Variants in TIE1 observed in about 807,000 individuals in gnomAD.
TIE1 encodes the protein tyrosine-protein kinase receptor Tie-1.
A neutral mutation model predicts 130.5 loss-of-function variants in TIE1; 89 were observed. The ratio of observed to expected loss-of-function variants is 0.68; its 90% CI spans 0.57 to 0.81. TIE1 has a LOEUF of 0.81. Among genes scored for constraint, TIE1 ranks in the 40% least tolerant of loss-of-function variants. The probability of loss-of-function intolerance (pLI) is 0.00; values close to 1 mark genes in which losing one functional copy is unlikely to be tolerated. For missense variants in TIE1, 1,392 were observed against 1,559.8 expected (o/e 0.89, Z 1.81); for synonymous variants, 568 against 629.4 (o/e 0.90, Z 1.46).
intron 1 of TIE1, among the ~76,000 whole-genome samples, chr1:43,303,553 A>G (rs532554575): frequency 6.6e-6 from 1 of 152,254 alleles, no homozygotes; most frequent in South Asian, 2.1e-4. Context: ...GCTACAAGAG[A>G]CAGAGAAGGA....
At chr1:43,308,863 G>A in intron 7 of TIE1, 123 bp from the exon 8 acceptor site, 1 of 1,394,254 alleles carries the variant, frequency 7.2e-7, no homozygotes, top group Non-Finnish European at 1.0e-6. Flanking sequence ...GCCTTTGCTG[G>A]TTTTCAGGCT....
chr1:43,313,634 C>A lies in TIE1; in HGVS notation c.2219-144C>A. The A allele has an allele frequency of 9.3e-7, 1 of 1,070,100 alleles. No homozygotes were observed. 66.3% of individuals were successfully genotyped at this position (1,070,100 alleles called of 1,614,324 possible). ...ATCATGTCGCCCCTCTGACACCCCT[C>A]ATCCCTTCCTTCATGTGGCCCAAGT... On this transcript the variant is annotated intron_variant, in intron 13 of 22. Coordinates refer to ENST00000372476, the MANE Select transcript of TIE1 (RefSeq NM_005424.5). This position sits in a 1 kb window ranked among gnomAD's most constrained non-coding sequence, Gnocchi z 6.2.
rs1646883513 is a variant in TIE1, at chr1:43,318,521, T to C, written c.2922+449T>C. Among the ~76,000 whole-genome samples, 1 of 151,708 alleles carries C rather than the reference T, an allele frequency of 6.6e-6. No homozygotes were observed. The highest frequency in any genetic ancestry group is 1.5e-5 in the Non-Finnish European group (1 of 67,900). On this transcript the variant is annotated intron_variant, in intron 17 of 22. Coordinates refer to ENST00000372476, the MANE Select transcript of TIE1 (RefSeq NM_005424.5). This position sits in a 1 kb window ranked among gnomAD's most constrained non-coding sequence, Gnocchi z 4.4. ...AAGGCATTTTATCTTTTTTTTTTTT[T>C]GAGACTGAGTCTCACTTTTTTGCCC...
rs370716629 is a variant in TIE1 at position 43,313,382 on chromosome 1, C to T, written c.2175C>T (p.Leu725=). The change falls in exon 13 of 23, where the codon CTC becomes CTT. Residue 725 remains leucine, a synonymous_variant. Coordinates refer to ENST00000372476, the MANE Select transcript of TIE1 (RefSeq NM_005424.5). The surrounding 1 kb of genome is among the most constrained non-coding windows in gnomAD (Gnocchi z 6.2). ...LFRMRASIQG[L]GDWSNTVEES... is the part of the protein sequence containing the mutation. ...GCATGCGGGCCAGCATTCAGGGGCT[C>T]GGGGACTGGAGCAACACAGTAGAAG... is the stretch of plus-strand genomic sequence containing the variant. The T allele has an allele frequency of 9.8e-5, 158 of 1,613,978 alleles. No individual in the cohort carries two copies. Among genetic ancestry groups the T allele is most frequent in the African/African-American group, 1.5e-4 (11 of 74,982 alleles).
Position 43,310,037 on chromosome 1 carries a change from C to A in TIE1, c.1333+505C>A, listed in dbSNP as rs567726734. On this transcript the variant is annotated intron_variant, in intron 9 of 22. Transcript: ENST00000372476. Reference sequence around the variant, plus strand: ...CCCAAGATTACTCAGACCAGAGCACCCCCACCTGCTCTAAGGCCTCCTTCG... The same window carrying A: ...CCCAAGATTACTCAGACCAGAGCACACCCACCTGCTCTAAGGCCTCCTTCG... Among the ~76,000 whole-genome samples, 10 of 152,128 alleles carry A rather than the reference C, an allele frequency of 6.6e-5. No individual in the cohort carries two copies. In the East Asian group the frequency reaches 1.9e-3, roughly 29 times the overall value.
At position 43,319,632 on chromosome 1, in the gene TIE1, C is replaced by T. The variant is rs1472814342; in HGVS notation, c.3107+103C>T. On this transcript the variant is annotated intron_variant, in intron 19 of 22. Coordinates refer to ENST00000372476, the MANE Select transcript of TIE1 (RefSeq NM_005424.5). This position sits in a 1 kb window ranked among gnomAD's most constrained non-coding sequence, Gnocchi z 4.7. ...ATGTCATAGGTGGTCTAAGGCATGACCTGGGCTGTGTTCCAGGTGTGACAC... is the reference window on the plus strand; with the variant it reads ...ATGTCATAGGTGGTCTAAGGCATGATCTGGGCTGTGTTCCAGGTGTGACAC... The T allele has an allele frequency of 3.2e-6, 4 of 1,239,080 alleles. No homozygotes were observed. The highest frequency in any genetic ancestry group is 4.7e-6 in the Non-Finnish European group (4 of 846,394). 76.8% of individuals were successfully genotyped at this position (1,239,080 alleles called of 1,614,324 possible).
intron 7 of TIE1, 129 bp downstream of exon 7, chr1:43,308,053 A>G: frequency 7.3e-7 from 1 of 1,365,250 alleles, no homozygotes. Flanking sequence ...GGGAGCTTAG[A>G]GTCTGATGGA....
intron 19 of TIE1, chr1:43,320,126 C>A: frequency 6.2e-6 from 1 of 160,096 alleles, no homozygotes; most frequent in South Asian, 1.8e-4. Flanking sequence ...CCCTTGATTC[C>A]CTCCACCCCC....
At position 43,312,683 on chromosome 1, in the gene TIE1, G is replaced by A. The variant is rs1294760199; in HGVS notation, c.1927+82G>A. 4.8e-6 allele frequency: 7 copies of A among 1,466,764 alleles called. No individual in the cohort carries two copies. The East Asian group carries it at 1.6e-4, about 34-fold the overall frequency. 90.9% of individuals were successfully genotyped at this position (1,466,764 alleles called of 1,614,324 possible). A position where few individuals can be genotyped will look rare whatever the true frequency, so the allele number is the denominator to read the frequency against. On this transcript the variant is annotated intron_variant, in intron 12 of 22. Coordinates refer to ENST00000372476, the MANE Select transcript of TIE1 (RefSeq NM_005424.5). The surrounding 1 kb of genome is among the most constrained non-coding windows in gnomAD (Gnocchi z 5.6). Reference sequence around the variant, plus strand: ...CACATGAGACCTAGGAGACACGGGAGGCTGTAGGAGATTAATGGACATGGA... The same window carrying A: ...CACATGAGACCTAGGAGACACGGGAAGCTGTAGGAGATTAATGGACATGGA...
chr1:43,303,276 AAG>A (rs1240711876), intron 1 of TIE1, among the ~76,000 whole-genome samples: 1 of 152,134 alleles, frequency 6.6e-6, no homozygotes, highest in Non-Finnish European at 1.5e-5. Context: ...TCCAAGCTGA[AAG>A]ACCGTTCCCG....
rs763117481 is a variant in TIE1, at chr1:43,312,108, C to A, written c.1607C>A (p.Thr536Asn). 2 of 1,574,410 alleles carry A rather than the reference C, an allele frequency of 1.3e-6. No homozygotes were observed. The highest frequency in any genetic ancestry group is 8.6e-7 in the Non-Finnish European group (1 of 1,159,440). Residue 536 changes from threonine to asparagine, a missense_variant, in exon 11 of 23, where the codon ACC (threonine) becomes AAC (asparagine). Physicochemically the swap from Thr to Asn is moderately conservative, Grantham distance 65 (BLOSUM62 0). Around this residue, in one of 6 missense-constraint regions of TIE1, gnomAD observed 551 missense variants for 565.5 expected, o/e 0.97. Coordinates refer to ENST00000372476, the MANE Select transcript of TIE1 (RefSeq NM_005424.5). The surrounding 1 kb of genome is among the most constrained non-coding windows in gnomAD (Gnocchi z 5.6). Reference sequence around the variant, plus strand: ...GGAGAGGGGGCCTGGGGGCCTCCCACCCTCATGACCACAGACTGTCCTGGT... The same window carrying A: ...GGAGAGGGGGCCTGGGGGCCTCCCAACCTCATGACCACAGACTGTCCTGGT... ...EGGEGAWGPP[T>N]LMTTDCPEPL... is the part of the protein sequence containing the mutation.
At chr1:43,310,873 C>T (rs1048286674) in intron 9 of TIE1, among the ~76,000 whole-genome samples, 1 of 152,194 alleles carries the variant, frequency 6.6e-6, no homozygotes, top group Non-Finnish European at 1.5e-5. Flanking sequence ...AGCGCGGCAT[C>T]CTTTTCCTCC....
chr1:43,312,079 A>C lies in TIE1; in HGVS notation c.1578A>C (p.Glu526Asp). Reference protein sequence around the residue: ...SVRVQLSRPGEGGEGAWGPPT... With the variant: ...SVRVQLSRPGDGGEGAWGPPT... ...GTGTGCAGCTGAGCCGGCCAGGGGA[A>C]GGAGGAGAGGGGGCCTGGGGGCCTC... The change falls in exon 11 of 23, where the codon GAA becomes GAC. Residue 526 changes from glutamate to aspartate, a missense_variant. Physicochemically the swap from Glu to Asp is conservative, Grantham distance 45. Coordinates refer to ENST00000372476, the MANE Select transcript of TIE1 (RefSeq NM_005424.5). The surrounding 1 kb of genome is among the most constrained non-coding windows in gnomAD (Gnocchi z 5.6). 1 of 1,601,924 alleles carries C rather than the reference A, an allele frequency of 6.2e-7. No homozygotes were observed. Among genetic ancestry groups the C allele is most frequent in the South Asian group, 1.1e-5 (1 of 89,526 alleles).
At position 43,309,190 on chromosome 1, in the gene TIE1, C is replaced by G; in HGVS notation, c.1188+59C>G. ...TCAGGCCGCCTGCTTCACAGCTGAT[C>G]CCTAAGACCCCCTAGTCCCTCAGAA... On this transcript the variant is annotated intron_variant, in intron 8 of 22. Transcript: ENST00000372476. The surrounding 1 kb of genome is among the most constrained non-coding windows in gnomAD (Gnocchi z 6.3). 1 of 1,538,016 alleles carries G rather than the reference C, an allele frequency of 6.5e-7. No homozygotes were observed. Among genetic ancestry groups the G allele is most frequent in the Non-Finnish European group, 8.8e-7 (1 of 1,141,154 alleles).
At position 43,306,894 on chromosome 1, in the gene TIE1, T is replaced by A. The variant is rs1646733651; in HGVS notation, c.539T>A (p.Leu180Gln). ...WHEAQDGRFL[L>Q]QLPNVQPPSS... ...GAAGCCCAGGATGGGCGGTTCCTGC[T>A]GCAGCTCCCAAATGTGCAGCCACCA... Residue 180 changes from leucine (L) to glutamine (Q), a missense_variant, in exon 4 of 23, where the codon CTG (leucine) becomes CAG (glutamine). Transcript: ENST00000372476. This position sits in a 1 kb window ranked among gnomAD's most constrained non-coding sequence, Gnocchi z 4.9. 2 of 1,614,064 alleles carry A rather than the reference T, an allele frequency of 1.2e-6. No individual in the cohort carries two copies. Among genetic ancestry groups the A allele is most frequent in the Non-Finnish European group, 1.7e-6 (2 of 1,180,014 alleles).
At chr1:43,302,702 G>A (rs565277392) in intron 1 of TIE1, among the ~76,000 whole-genome samples, 1 of 152,274 alleles carries the variant, frequency 6.6e-6, no homozygotes, top group South Asian at 2.1e-4. Context: ...ACATTATCCT[G>A]AGGGCAATAG....
chr1:43,312,631 G>A lies in TIE1; in HGVS notation c.1927+30G>A, dbSNP rs780326049. The A allele has an allele frequency of 6.4e-7, 1 of 1,564,768 alleles. No homozygotes were observed. ...GTGCAAGGCGCAAGGATAGCTGGGG[G>A]TTGGGGGAGGACGTGGGACACAGGG... On this transcript the variant is annotated intron_variant, in intron 12 of 22. Transcript: ENST00000372476. The surrounding 1 kb of genome is among the most constrained non-coding windows in gnomAD (Gnocchi z 5.6).
chr1:43,319,463 G>A lies in TIE1; in HGVS notation c.3041G>A (p.Arg1014His), dbSNP rs146431314. ...CTCAAACCCATTCTCTCCTAGGGGC[G>A]TCTCCCTGTGCGCTGGATGGCCATT... is the stretch of plus-strand genomic sequence containing the variant. The part of the protein sequence containing the change: ...EEVYVKKTMG[R>H]LPVRWMAIES... Residue 1014 changes from arginine (R) to histidine (H), a missense_variant, in exon 19 of 23, where the codon CGT becomes CAT. By Grantham distance (29) the Arg-to-His change is conservative. Coordinates refer to ENST00000372476, the MANE Select transcript of TIE1 (RefSeq NM_005424.5). This position sits in a 1 kb window ranked among gnomAD's most constrained non-coding sequence, Gnocchi z 4.7. 9 of 1,613,946 alleles carry A rather than the reference G, an allele frequency of 5.6e-6. No individual in the cohort carries two copies. The highest frequency in any genetic ancestry group is 5.3e-5 in the African/African-American group (4 of 74,882).
intron 14 of TIE1, chr1:43,314,248 TC>T (rs1646837147): frequency 1.4e-6 from 1 of 723,184 alleles, no homozygotes; most frequent in African/African-American, 1.8e-5. Flanking sequence ...CAATGGACAT[TC>T]CAGTTTTGGG....
Sources: allele counts gnomAD v4.1 joint callset (sites outside exome capture counted in the v4.1 genomes callset), GRCh38; gene constraint gnomAD v4.1.1; regional missense constraint gnomAD v4.1.1; non-coding constraint Gnocchi (gnomAD v3.1); transcripts MANE v1.5; gene names NCBI Gene and HGNC (gene_info 2026-07-23, HGNC 2026-07-21).